TXNDC11: variants seen among roughly 807,000 people sequenced by gnomAD.
TXNDC11 encodes the protein thioredoxin domain containing 11, also known as thioredoxin domain-containing protein 11.
In TXNDC11, 68 loss-of-function variants were observed where a neutral mutation model predicts 78.0. The observed-to-expected ratio is 0.87, with a 90% CI of 0.72 to 1.07. The LOEUF (loss-of-function observed/expected upper bound fraction) is 1.07. Among genes scored for constraint, TXNDC11 ranks in the 50% least tolerant of loss-of-function variants. The probability of loss-of-function intolerance (pLI) is 0.00; values close to 1 mark genes in which losing one functional copy is unlikely to be tolerated. For missense variants in TXNDC11, 1,389 were observed against 1,221.8 expected, an observed-to-expected ratio of 1.14 and a Z score of -2.04; for synonymous variants, 571 against 495.2, an observed-to-expected ratio of 1.15 and a Z score of -2.03.
chr16:11,731,674 T>C (rs1165665794), intron 3 of TXNDC11, among the ~76,000 whole-genome samples: 1 of 150,390 alleles, frequency 6.6e-6, no homozygotes, highest in Non-Finnish European at 1.5e-5. Flanking sequence ...CCATAATACA[T>C]GGTTACAGAA....
intron 4 of TXNDC11, among the ~76,000 whole-genome samples, chr16:11,725,041 A>T (rs555601262): frequency 6.6e-6 from 1 of 152,290 alleles, no homozygotes; most frequent in East Asian, 1.9e-4. Context: ...CACGGGGCCC[A>T]GTCAAATTTC....
chr16:11,742,271 G>A (rs2052421330), intron 1 of TXNDC11: 2 of 458,706 alleles, frequency 4.4e-6, no homozygotes, highest in South Asian at 4.4e-5. Context: ...GGCTCCACCC[G>A]GAAGCCTCGC....
At chr16:11,704,254 CATA>C (rs1213566316) in intron 5 of TXNDC11, among the ~76,000 whole-genome samples, 1 of 151,956 alleles carries the variant, frequency 6.6e-6, no homozygotes, top group African/African-American at 2.4e-5. Flanking sequence ...CCCATGACTC[CATA>C]ATAATATTAA....
At chr16:11,724,936 G>A (rs775998466) in intron 4 of TXNDC11, among the ~76,000 whole-genome samples, 41 of 152,056 alleles carry the variant, frequency 2.7e-4, no homozygotes, top group Admixed American at 1.6e-3. Flanking sequence ...TAGTAGAGAC[G>A]AGGTTTCACC....
Position 11,730,807 on chromosome 16 carries a change from T to C in TXNDC11, c.570-33A>G, listed in dbSNP as rs1349783370. 6 of 1,452,328 alleles carry C rather than the reference T, an allele frequency of 4.1e-6. No homozygotes were observed. The African/African-American group carries it at 7.2e-5, about 17-fold the overall frequency. 90.0% of individuals were successfully genotyped at this position (1,452,328 alleles called of 1,614,324 possible). A position where few individuals can be genotyped will look rare whatever the true frequency, so the allele number is the denominator to read the frequency against. On this transcript the variant is annotated intron_variant, in intron 3 of 11. Transcript: ENST00000283033. ...CAAAAAATAAAAATAAAAATAAAAA[T>C]AATAAAAATAATACACCATGCATTA...
intron 4 of TXNDC11, among the ~76,000 whole-genome samples, chr16:11,728,312 G>C (rs1179326146): frequency 1.3e-5 from 2 of 152,180 alleles, no homozygotes; most frequent in Non-Finnish European, 2.9e-5. Context: ...TGACTAGTGA[G>C]TTGTTTCACA....
chr16:11,714,776 T>C (rs911779504), intron 5 of TXNDC11, among the ~76,000 whole-genome samples: 1 of 151,974 alleles, frequency 6.6e-6, no homozygotes, highest in Admixed American at 6.6e-5. Flanking sequence ...CCTGGTGGAG[T>C]ACAGGGACAC....
At position 11,742,680 on chromosome 16, in the gene TXNDC11, G is replaced by A. The variant is rs749510857; in HGVS notation, c.51C>T (p.Ala17=). 6.8e-7 allele frequency: 1 copy of A among 1,471,106 alleles called. No homozygotes were observed. The highest frequency in any genetic ancestry group is 8.9e-7 in the Non-Finnish European group (1 of 1,118,496). The allele number at this position is 1,471,106 out of a possible 1,614,324, so 91.1% of individuals were successfully genotyped here. A position where few individuals can be genotyped will look rare whatever the true frequency, so the allele number is the denominator to read the frequency against. ...CGCCGCCGCCCCCTCCCTCGTCCTCGGCGTCCTCGCTGCTGCTGCTGCCGC... is the reference window on the plus strand; with the variant it reads ...CGCCGCCGCCCCCTCCCTCGTCCTCAGCGTCCTCGCTGCTGCTGCTGCCGC... The part of the protein sequence containing the change: ...RGGGSSSSED[A]EDEGGGGGGP... Residue 17 remains alanine, a synonymous_variant, in exon 1 of 12, where the codon GCC becomes GCT. Transcript: ENST00000283033.
intron 5 of TXNDC11, among the ~76,000 whole-genome samples, chr16:11,715,072 G>A (rs939828132): frequency 1.3e-5 from 2 of 152,144 alleles, no homozygotes; most frequent in African/African-American, 4.8e-5. Context: ...GCAACACAGT[G>A]AAACCCCGTC....
chr16:11,690,007 G>A (rs1023809382), intron 8 of TXNDC11: 17 of 152,330 alleles, frequency 1.1e-4, no homozygotes, highest in Middle Eastern at 3.4e-3. Flanking sequence ...TTTCACAAAT[G>A]TGTCTAATGT....
chr16:11,704,579 C>T (rs58212087), intron 5 of TXNDC11, among the ~76,000 whole-genome samples: 2,784 of 152,166 alleles, frequency 0.018, 96 homozygotes, highest in African/African-American at 0.064. Context: ...TCATATGAAC[C>T]CCCTGATAAG....
chr16:11,692,446 G>A (rs2050747088), intron 7 of TXNDC11, among the ~76,000 whole-genome samples: 1 of 151,978 alleles, frequency 6.6e-6, no homozygotes, highest in Admixed American at 6.6e-5. Context: ...CAAAGTGTAA[G>A]GATAGTGATG....
At chr16:11,685,030 C>T (rs2050527185) in intron 10 of TXNDC11, among the ~76,000 whole-genome samples, 1 of 152,232 alleles carries the variant, frequency 6.6e-6, no homozygotes, top group South Asian at 2.1e-4. Flanking sequence ...CGGTAAGTGT[C>T]ATGTATGTGT....
At chr16:11,694,665 C>T (rs2050812896) in intron 7 of TXNDC11, among the ~76,000 whole-genome samples, 1 of 152,194 alleles carries the variant, frequency 6.6e-6, no homozygotes, top group South Asian at 2.1e-4. Context: ...CCAGGCTGGT[C>T]TTGAATTCCT....
chr16:11,693,900 C>T (rs935070384), intron 7 of TXNDC11, among the ~76,000 whole-genome samples: 2 of 152,060 alleles, frequency 1.3e-5, no homozygotes, highest in African/African-American at 2.4e-5. Flanking sequence ...CACCCACTCC[C>T]GCAAAAACCT....
In TXNDC11 at chr16:11,715,610, C is replaced by T. The variant is rs972579508; in HGVS notation, c.793+5967G>A. Among the ~76,000 whole-genome samples, 10 of 152,168 alleles carry T rather than the reference C, an allele frequency of 6.6e-5. No homozygotes were observed. The South Asian group carries it at 1.2e-3, about 19-fold the overall frequency. On this transcript the variant is annotated intron_variant, in intron 5 of 11. Transcript: ENST00000283033. Reference sequence around the variant, plus strand: ...AATCCCGTAGCTAAAATCTTTCTCACGCGTCCTTTACCAGTCATACATTCA... The same window carrying T: ...AATCCCGTAGCTAAAATCTTTCTCATGCGTCCTTTACCAGTCATACATTCA...
At chr16:11,735,894 A>G in intron 2 of TXNDC11, 123 bp downstream of exon 2, 3 of 842,828 alleles carry the variant, frequency 3.6e-6, no homozygotes, top group Non-Finnish European at 3.8e-6. Context: ...TGTAACTTAG[A>G]AACGACTCCT....
At chr16:11,742,085 G>A (rs887693349) in intron 1 of TXNDC11, 1 of 206,210 alleles carries the variant, frequency 4.8e-6, no homozygotes, top group Non-Finnish European at 9.6e-6. Flanking sequence ...AAGGGGTCTG[G>A]AACTCTCGCA....
intron 6 of TXNDC11, among the ~76,000 whole-genome samples, chr16:11,699,276 T>G (rs1452903186): frequency 6.6e-6 from 1 of 152,244 alleles, no homozygotes; most frequent in Non-Finnish European, 1.5e-5. Flanking sequence ...CATCTCATAG[T>G]CCTACCTTTC....
Sources: gnomAD v4.1 joint callset for allele counts (sites outside exome capture counted in the v4.1 genomes callset) on GRCh38, gnomAD v4.1.1 for gene constraint, MANE v1.5 for transcripts, NCBI Gene and HGNC (gene_info 2026-07-23, HGNC 2026-07-21) for gene names.